GFRA1: variants seen among roughly 807,000 people sequenced by gnomAD.
GFRA1 encodes the protein GDNF family receptor alpha 1.
Under a neutral mutation model 51.6 loss-of-function variants are expected in GFRA1, and 16 were observed. That is an observed-to-expected ratio of 0.31 (90% CI 0.21 to 0.47). GFRA1 has a LOEUF of 0.47. Ranked by LOEUF, GFRA1 falls within the 20% of genes least tolerant of loss-of-function variation. The probability of loss-of-function intolerance (pLI) is 1.00; values close to 1 mark genes in which losing one functional copy is unlikely to be tolerated. For synonymous variants in GFRA1, 270 were observed against 241.3 expected, an observed-to-expected ratio of 1.12 and a Z score of -1.10; for missense variants, 530 against 594.3, an observed-to-expected ratio of 0.89 and a Z score of 1.13.
At chr10:116,178,169 T>C (rs1961817902) in intron 5 of GFRA1, among the ~76,000 whole-genome samples, 1 of 152,218 alleles carries the variant, frequency 6.6e-6, no homozygotes, top group Admixed American at 6.5e-5. Context: ...GCTTGGCTTT[T>C]TCCCAACTGG....
rs182035071 is a variant in GFRA1 at position 116,266,458 on chromosome 10, A to C, written c.418+3045T>G. Among the ~76,000 whole-genome samples, 257 of 152,344 alleles carry C rather than the reference A, an allele frequency of 1.7e-3. 1 individual carries two copies. Among genetic ancestry groups the C allele is most frequent in the African/African-American group, 6.0e-3 (248 of 41,578 alleles). On this transcript the variant is annotated intron_variant, in intron 4 of 10. Coordinates refer to ENST00000355422, the MANE Select transcript of GFRA1 (RefSeq NM_005264.8). ...CCAAACTGGATAATATGCATTATTC[A>C]ATGACTTAAAGCCTCTCAAGTCTCC...
intron 5 of GFRA1, among the ~76,000 whole-genome samples, chr10:116,199,858 C>A (rs1964188737): frequency 6.6e-6 from 1 of 152,172 alleles, no homozygotes; most frequent in Admixed American, 6.5e-5. Context: ...CAGAAGATTC[C>A]CTCTTGCCTT....
chr10:116,095,985 A>G (rs947716684), intron 7 of GFRA1, among the ~76,000 whole-genome samples: 1 of 152,026 alleles, frequency 6.6e-6, no homozygotes, highest in Non-Finnish European at 1.5e-5. Context: ...CCAGGGGTCC[A>G]AGTTTGCTTC....
chr10:116,179,610 A>T (rs1325478416), intron 5 of GFRA1, among the ~76,000 whole-genome samples: 1 of 152,202 alleles, frequency 6.6e-6, no homozygotes, highest in African/African-American at 2.4e-5. Flanking sequence ...TGGACACTGG[A>T]GACAGAAGAT....
At chr10:116,209,579 G>A (rs546612797) in intron 5 of GFRA1, among the ~76,000 whole-genome samples, 48 of 152,158 alleles carry the variant, frequency 3.2e-4, no homozygotes, top group African/African-American at 9.9e-4. Context: ...ACGCAGTGGC[G>A]TCTGTTCACT....
chr10:116,129,171 C>T (rs765324744), intron 5 of GFRA1, among the ~76,000 whole-genome samples: 43 of 152,096 alleles, frequency 2.8e-4, no homozygotes, highest in Admixed American at 9.2e-4. Flanking sequence ...ATAACCTTTC[C>T]GAACTTGACA....
At chr10:116,200,667 T>C (rs577542561) in intron 5 of GFRA1, among the ~76,000 whole-genome samples, 301 of 152,358 alleles carry the variant, frequency 2.0e-3, no homozygotes, top group African/African-American at 6.9e-3. Context: ...AGATGGAGGC[T>C]TTCTTCCTGT....
chr10:116,185,912 C>T (rs988465324), intron 5 of GFRA1, among the ~76,000 whole-genome samples: 1 of 152,238 alleles, frequency 6.6e-6, no homozygotes, highest in Non-Finnish European at 1.5e-5. Context: ...GGCATGGACT[C>T]TGCTGCACCC....
intron 5 of GFRA1, among the ~76,000 whole-genome samples, chr10:116,208,377 A>T (rs893924903): frequency 2.6e-5 from 4 of 152,086 alleles, no homozygotes; most frequent in African/African-American, 9.7e-5. Context: ...CGAAAACAGG[A>T]CCCTTTGCTG....
chr10:116,090,968 C>A (rs1161312698), intron 8 of GFRA1, among the ~76,000 whole-genome samples: 2 of 152,124 alleles, frequency 1.3e-5, no homozygotes, highest in Admixed American at 6.5e-5. Flanking sequence ...TAAGAAACAG[C>A]TTCAAATTAA....
intron 4 of GFRA1, among the ~76,000 whole-genome samples, chr10:116,269,251 T>A (rs75313917): frequency 6.6e-6 from 1 of 150,994 alleles, no homozygotes; most frequent in African/African-American, 2.4e-5. Context: ...AAAAAAAAAA[T>A]ACTCAACCAA....
chr10:116,100,793 G>A (rs571241160), intron 6 of GFRA1, among the ~76,000 whole-genome samples: 60 of 152,282 alleles, frequency 3.9e-4, no homozygotes, highest in African/African-American at 1.1e-3. Flanking sequence ...CTAGGAGACC[G>A]TGGCCATGAA....
At chr10:116,221,996 G>T (rs1409222683) in intron 4 of GFRA1, among the ~76,000 whole-genome samples, 1 of 152,092 alleles carries the variant, frequency 6.6e-6, no homozygotes, top group African/African-American at 2.4e-5. Flanking sequence ...AGTAAGGAAG[G>T]GGAGAACAAT....
At chr10:116,073,088 G>T (rs1332624319) in intron 9 of GFRA1, among the ~76,000 whole-genome samples, 5 of 152,184 alleles carry the variant, frequency 3.3e-5, no homozygotes, top group African/African-American at 1.2e-4. Context: ...ATTCAAAAAT[G>T]AATGCAATGA....
chr10:116,212,787 G>A (rs138473278), intron 4 of GFRA1, among the ~76,000 whole-genome samples: 8 of 152,248 alleles, frequency 5.3e-5, no homozygotes, highest in Admixed American at 5.2e-4. Flanking sequence ...TTCTCCACTC[G>A]AATGTTGCTG....
intron 4 of GFRA1, among the ~76,000 whole-genome samples, chr10:116,254,133 C>T (rs1968615958): frequency 6.6e-6 from 1 of 151,446 alleles, no homozygotes; most frequent in Non-Finnish European, 1.5e-5. Flanking sequence ...CCAGCCTGGC[C>T]AAAATGGTGA....
intron 6 of GFRA1, among the ~76,000 whole-genome samples, chr10:116,115,809 G>T (rs192962807): frequency 6.6e-6 from 1 of 152,144 alleles, no homozygotes; most frequent in African/African-American, 2.4e-5. Context: ...GGGCTTGAGG[G>T]GCTTGCAGCT....
chr10:116,269,692 A>G (rs553280170), intron 3 of GFRA1, 106 bp from the exon 4 acceptor site: 330 of 740,738 alleles, frequency 4.5e-4, no homozygotes, highest in Admixed American at 1.7e-3. Context: ...TGTAACAAAA[A>G]GACGCTGAAA....
At chr10:116,149,041 C>A (rs1025527465) in intron 5 of GFRA1, among the ~76,000 whole-genome samples, 2 of 250 alleles carry the variant, frequency 8.0e-3, no homozygotes, top group African/African-American at 0.011. Context: ...ATATGCCCCA[C>A]AAGCCTGTTG....
Sources: gnomAD v4.1 joint callset for allele counts (sites outside exome capture counted in the v4.1 genomes callset) on GRCh38, gnomAD v4.1.1 for gene constraint, MANE v1.5 for transcripts, NCBI Gene and HGNC (gene_info 2026-07-23, HGNC 2026-07-21) for gene names.